CELF4: variants seen among roughly 807,000 people sequenced by gnomAD.
CELF4 encodes CUG-BP- and ETR-3-like factor 4.
CELF4 carries 18 observed loss-of-function variants against 59.9 expected under a neutral mutation model. The ratio of observed to expected loss-of-function variants is 0.30; its 90% confidence interval spans 0.21 to 0.45. The LOEUF (loss-of-function observed/expected upper bound fraction) is 0.45, where lower values mean the gene tolerates loss of function less well. Among genes scored for constraint, CELF4 ranks in the 20% least tolerant of loss-of-function variants. The pLI, the probability that CELF4 is intolerant of heterozygous loss-of-function variation, is 1.00. For missense variants in CELF4, 456 were observed against 689.0 expected (o/e 0.66, Z 3.79); for synonymous variants, 261 against 267.1 (o/e 0.98, Z 0.22).
chr18:37,305,719 T>C (rs1203554713), intron 3 of CELF4: 6 of 152,180 alleles, frequency 3.9e-5, no homozygotes, highest in African/African-American at 1.4e-4. Flanking sequence ...ATCTATACAA[T>C]GGAGCAGTGA....
chr18:37,388,283 G>C (rs2154573572), intron 2 of CELF4, among the ~76,000 whole-genome samples: 1 of 152,206 alleles, frequency 6.6e-6, no homozygotes, highest in South Asian at 2.1e-4. Flanking sequence ...AGATGGGGTA[G>C]GGAATACTGT....
At chr18:37,410,546 GCA>G (rs2099434642) in intron 2 of CELF4, among the ~76,000 whole-genome samples, 1 of 152,232 alleles carries the variant, frequency 6.6e-6, no homozygotes, top group African/African-American at 2.4e-5. Flanking sequence ...GGGCATCCCT[GCA>G]CACGCTGTGC....
chr18:37,288,263 C>T (rs1787623), intron 3 of CELF4, among the ~76,000 whole-genome samples: 79,541 of 152,130 alleles, frequency 0.52, 21,916 homozygotes, highest in African/African-American at 0.69. Context: ...CCTTCCTGCG[C>T]GGAGGGATGT....
At chr18:37,409,153 C>CTG (rs760696328) in intron 2 of CELF4, among the ~76,000 whole-genome samples, 1 of 152,358 alleles carries the variant, frequency 6.6e-6, no homozygotes, top group East Asian at 1.9e-4. Context: ...GTGGCTCTCC[C>CTG]TGGCGATTTG....
intron 1 of CELF4, among the ~76,000 whole-genome samples, chr18:37,532,007 G>A (rs562754148): frequency 4.6e-5 from 7 of 152,318 alleles, no homozygotes; most frequent in Middle Eastern, 3.4e-3. Context: ...CGCCTATGGC[G>A]CACATTACTT....
At chr18:37,264,955 T>C (rs917600612) in intron 9 of CELF4, among the ~76,000 whole-genome samples, 198 bp from the exon 10 acceptor site, 1 of 152,234 alleles carries the variant, frequency 6.6e-6, no homozygotes, top group East Asian at 1.9e-4. Context: ...AATGGGTGTG[T>C]GGGTGTGTGT....
chr18:37,510,106 A>G (rs1225049619), intron 1 of CELF4, among the ~76,000 whole-genome samples: 3 of 152,216 alleles, frequency 2.0e-5, no homozygotes, highest in Admixed American at 6.5e-5. Flanking sequence ...CAACACAGAG[A>G]TGGTACTAAA....
chr18:37,409,460 C>T (rs889192813), intron 2 of CELF4, among the ~76,000 whole-genome samples: 3 of 152,088 alleles, frequency 2.0e-5, no homozygotes, highest in Admixed American at 2.0e-4. Context: ...TTTGGGACAC[C>T]CCTTGCTGTA....
chr18:37,468,722 T>C (rs533480673), intron 2 of CELF4, among the ~76,000 whole-genome samples: 172 of 152,110 alleles, frequency 1.1e-3, no homozygotes, highest in African/African-American at 4.1e-3. Context: ...CTTACAATCA[T>C]GGTGGCAGGC....
intron 2 of CELF4, among the ~76,000 whole-genome samples, chr18:37,355,159 G>T (rs2098541976): frequency 6.6e-6 from 1 of 152,212 alleles, no homozygotes; most frequent in African/African-American, 2.4e-5. Flanking sequence ...GTGTGAGCCT[G>T]CTTGGGGATG....
intron 2 of CELF4, among the ~76,000 whole-genome samples, chr18:37,355,888 C>T (rs968340570): frequency 6.6e-6 from 1 of 152,202 alleles, no homozygotes; most frequent in Non-Finnish European, 1.5e-5. Flanking sequence ...CTCAGCAGGC[C>T]TCTGCTAGGG....
At chr18:37,328,336 A>G (rs2097402780) in intron 2 of CELF4, among the ~76,000 whole-genome samples, 1 of 152,186 alleles carries the variant, frequency 6.6e-6, no homozygotes, top group East Asian at 1.9e-4. Flanking sequence ...CCCCGCAGGG[A>G]GCTGGGGAGA....
intron 1 of CELF4, among the ~76,000 whole-genome samples, chr18:37,496,657 T>C (rs1280828254): frequency 6.6e-6 from 1 of 152,174 alleles, no homozygotes; most frequent in Non-Finnish European, 1.5e-5. Flanking sequence ...AAATGTGACT[T>C]TCTTTTTAAA....
chr18:37,433,789 G>C (rs141904681), intron 2 of CELF4, among the ~76,000 whole-genome samples: 1 of 152,290 alleles, frequency 6.6e-6, no homozygotes, highest in East Asian at 1.9e-4. Context: ...CTGTCACTTG[G>C]AGAATGAAAG....
intron 3 of CELF4, among the ~76,000 whole-genome samples, chr18:37,301,797 G>A (rs985089493): frequency 6.6e-6 from 1 of 152,196 alleles, no homozygotes; most frequent in Non-Finnish European, 1.5e-5. Flanking sequence ...GCTACCATAA[G>A]TGATTTCAGT....
chr18:37,262,232 C>G (rs189690508), intron 10 of CELF4, among the ~76,000 whole-genome samples: 2 of 152,304 alleles, frequency 1.3e-5, no homozygotes, highest in Admixed American at 6.5e-5. Context: ...CTGTTGGTAT[C>G]GTGCATTACT....
intron 2 of CELF4, chr18:37,473,904 A>C (rs1208093588): frequency 6.6e-6 from 1 of 152,242 alleles, no homozygotes; most frequent in Non-Finnish European, 1.5e-5. Flanking sequence ...ACTTCCTTGC[A>C]GCTAGGGTGG....
At chr18:37,407,630 T>A (rs1273598232) in intron 2 of CELF4, among the ~76,000 whole-genome samples, 1 of 151,778 alleles carries the variant, frequency 6.6e-6, no homozygotes, top group Non-Finnish European at 1.5e-5. Context: ...CACACATACA[T>A]ACAAACGCAC....
intron 2 of CELF4, among the ~76,000 whole-genome samples, chr18:37,470,887 T>TGTGTGTGAGAGA (rs1325788685): frequency 2.1e-4 from 15 of 71,964 alleles, no homozygotes; most frequent in Admixed American, 3.5e-4. Flanking sequence ...TGTGTGTGTG[T>TGTGTGTGAGAGA]GACAGAGAGA....
Sources: allele counts gnomAD v4.1 joint callset (sites outside exome capture counted in the v4.1 genomes callset), GRCh38; gene constraint gnomAD v4.1.1; transcripts MANE v1.5; gene names NCBI Gene and HGNC (gene_info 2026-07-23, HGNC 2026-07-21).